Variants in YWHAE observed in about 807,000 individuals in gnomAD.
YWHAE encodes 14-3-3 protein epsilon.
In YWHAE, 4 loss-of-function variants were observed where a neutral mutation model predicts 30.1. The ratio of observed to expected loss-of-function variants is 0.13; its 90% CI spans 0.07 to 0.30. The LOEUF (loss-of-function observed/expected upper bound fraction) is 0.30. Ranked by LOEUF, YWHAE falls within the 10% of genes least tolerant of loss-of-function variation. The probability of loss-of-function intolerance (pLI) is 1.00; values close to 1 mark genes in which losing one functional copy is unlikely to be tolerated. For synonymous variants in YWHAE, 118 were observed against 111.8 expected, an observed-to-expected ratio of 1.06 and a Z score of -0.35; for missense variants, 121 against 315.9, an observed-to-expected ratio of 0.38 and a Z score of 4.68.
chr17:1,383,979 G>A (rs780874157), intron 1 of YWHAE, among the ~76,000 whole-genome samples: 49 of 151,974 alleles, frequency 3.2e-4, no homozygotes, highest in African/African-American at 8.7e-4. Flanking sequence ...GCCGAGGCAC[G>A]TGGATCACAA....
intron 1 of YWHAE, among the ~76,000 whole-genome samples, chr17:1,398,481 G>A (rs981175200): frequency 1.1e-4 from 16 of 152,062 alleles, no homozygotes; most frequent in African/African-American, 3.9e-4. Context: ...GATGATAAGG[G>A]GGACTAACCC....
intron 5 of YWHAE, among the ~76,000 whole-genome samples, chr17:1,350,067 C>T (rs1324359319): frequency 1.3e-5 from 2 of 151,738 alleles, no homozygotes; most frequent in African/African-American, 4.8e-5. Flanking sequence ...ATTCTCCTGC[C>T]TCAGCCTCCC....
At chr17:1,382,044 T>C (rs909927653) in intron 1 of YWHAE, among the ~76,000 whole-genome samples, 4 of 147,274 alleles carry the variant, frequency 2.7e-5, no homozygotes, top group Admixed American at 6.6e-5. Context: ...GCATAAGTAG[T>C]AGTTTTTTTG....
At chr17:1,394,436 CAAAAAAAAAAA>C (rs544115909) in intron 1 of YWHAE, among the ~76,000 whole-genome samples, 3 of 58,548 alleles carry the variant, frequency 5.1e-5, no homozygotes, top group African/African-American at 8.8e-5. Context: ...CTCAAATCCA[CAAAAAAAAAAA>C]AAAAAAAAAA....
At chr17:1,359,814 G>GT (rs1188384951) in intron 4 of YWHAE, among the ~76,000 whole-genome samples, 5 of 31,608 alleles carry the variant, frequency 1.6e-4, no homozygotes, top group South Asian at 1.3e-3. Flanking sequence ...CTAAATTGTT[G>GT]TGTGTGTGTG....
intron 1 of YWHAE, among the ~76,000 whole-genome samples, chr17:1,389,800 G>A (rs1005954463): frequency 2.0e-5 from 3 of 151,838 alleles, no homozygotes; most frequent in Non-Finnish European, 4.4e-5. Flanking sequence ...AAAGTCCTGG[G>A]ATTACAGCCG....
At chr17:1,346,745 G>A (rs1049027014) in intron 5 of YWHAE, among the ~76,000 whole-genome samples, 2 of 152,104 alleles carry the variant, frequency 1.3e-5, no homozygotes, top group Non-Finnish European at 2.9e-5. Flanking sequence ...CCAGCACTTT[G>A]GGAAGCAAAG....
intron 1 of YWHAE, among the ~76,000 whole-genome samples, chr17:1,376,426 G>A (rs1261320019): frequency 2.0e-5 from 3 of 151,814 alleles, no homozygotes; most frequent in Non-Finnish European, 4.4e-5. Flanking sequence ...AAGAAGGAAA[G>A]AAGTTCACTC....
intron 1 of YWHAE, among the ~76,000 whole-genome samples, chr17:1,393,842 A>G (rs1382322671): frequency 6.6e-6 from 1 of 152,118 alleles, no homozygotes; most frequent in Non-Finnish European, 1.5e-5. Flanking sequence ...TTCTGAGAGT[A>G]CCTAAACTTC....
intron 1 of YWHAE, among the ~76,000 whole-genome samples, chr17:1,381,695 C>T (rs992787872): frequency 4.6e-5 from 7 of 151,920 alleles, no homozygotes; most frequent in African/African-American, 1.7e-4. Flanking sequence ...GCGGGTGGAT[C>T]GCTTCAACTC....
chr17:1,371,423 A>AT (rs919846416), intron 1 of YWHAE, among the ~76,000 whole-genome samples: 152 of 148,184 alleles, frequency 1.0e-3, no homozygotes, highest in Middle Eastern at 3.5e-3. Context: ...ATTGAAGGGA[A>AT]TTTTTTTTTT....
intron 1 of YWHAE, among the ~76,000 whole-genome samples, chr17:1,383,917 C>T (rs925249126): frequency 2.6e-5 from 4 of 151,690 alleles, no homozygotes; most frequent in Admixed American, 2.6e-4. Flanking sequence ...AAAAATTAGC[C>T]GAAGAGGGCT....
At chr17:1,379,615 A>T (rs1448919012) in intron 1 of YWHAE, among the ~76,000 whole-genome samples, 1 of 152,228 alleles carries the variant, frequency 6.6e-6, no homozygotes, top group Non-Finnish European at 1.5e-5. Flanking sequence ...CTGTAGCTTG[A>T]GGAGTCTTAA....
At chr17:1,345,581 G>A (rs2072503275) in intron 5 of YWHAE, 82 bp from the exon 6 acceptor site, 2 of 1,412,468 alleles carry the variant, frequency 1.4e-6, no homozygotes, top group East Asian at 2.3e-5. Flanking sequence ...GTCATTCCAA[G>A]CATAAAGACT....
chr17:1,398,609 C>T (rs548211133), intron 1 of YWHAE, among the ~76,000 whole-genome samples: 22 of 152,096 alleles, frequency 1.4e-4, no homozygotes, highest in Middle Eastern at 3.4e-3. Flanking sequence ...TGATTCCAAC[C>T]ATGTCTCACC....
At chr17:1,392,104 G>A (rs1295092242) in intron 1 of YWHAE, among the ~76,000 whole-genome samples, 1 of 152,042 alleles carries the variant, frequency 6.6e-6, no homozygotes, top group Non-Finnish European at 1.5e-5. Context: ...GCATGCTGAG[G>A]TGCCCAGGGG....
At chr17:1,360,098 GAT>G (rs951795973) in intron 4 of YWHAE, among the ~76,000 whole-genome samples, 5 of 152,152 alleles carry the variant, frequency 3.3e-5, no homozygotes, top group Middle Eastern at 6.8e-3. Flanking sequence ...GAGTAACTGG[GAT>G]TGCAGGCATG....
intron 1 of YWHAE, among the ~76,000 whole-genome samples, chr17:1,389,820 G>A (rs563615284): frequency 5.3e-5 from 8 of 151,520 alleles, no homozygotes; most frequent in South Asian, 4.2e-4. Context: ...GTGAGCCACC[G>A]TACCTGGCCA....
chr17:1,360,951 C>A lies in YWHAE; in HGVS notation c.578+141G>T. 3 of 717,682 alleles carry A rather than the reference C, an allele frequency of 4.2e-6. No individual in the cohort carries two copies. The South Asian group carries it at 5.5e-5, about 13-fold the overall frequency. 44.5% of individuals were successfully genotyped at this position (717,682 alleles called of 1,614,324 possible). ...TGAGACAGGTCTGTTTTAATACTATCCAAAGTAGTTTCAGTAAGAGCCAAA... is the reference window on the plus strand; with the variant it reads ...TGAGACAGGTCTGTTTTAATACTATACAAAGTAGTTTCAGTAAGAGCCAAA... On this transcript the variant is annotated intron_variant, in intron 4 of 5. Transcript: ENST00000264335.
Sources: allele counts gnomAD v4.1 joint callset (sites outside exome capture counted in the v4.1 genomes callset), GRCh38; gene constraint gnomAD v4.1.1; transcripts MANE v1.5; gene names NCBI Gene and HGNC (gene_info 2026-07-23, HGNC 2026-07-21).